The following ANKRD13B variants were observed in gnomAD, a reference collection of about 807,000 sequenced individuals.
ANKRD13B encodes ankyrin repeat domain-containing protein 13B.
A neutral mutation model predicts 74.4 loss-of-function variants in ANKRD13B; 33 were observed. The observed-to-expected ratio is 0.44, with a 90% CI of 0.34 to 0.59. The LOEUF (loss-of-function observed/expected upper bound fraction) is 0.59. ANKRD13B is among the 20% of genes least tolerant of loss of function. The probability of loss-of-function intolerance (pLI) is 0.02; values close to 1 mark genes in which losing one functional copy is unlikely to be tolerated. For synonymous variants in ANKRD13B, 341 were observed against 362.9 expected, an observed-to-expected ratio of 0.94 and a Z score of 0.68; for missense variants, 676 against 877.9, an observed-to-expected ratio of 0.77 and a Z score of 2.91.
chr17:29,593,346 G>A lies in ANKRD13B; in HGVS notation c.-276G>A, dbSNP rs1177223664. 6.8e-6 allele frequency: 1 copy of A among 147,620 alleles called. No homozygotes were observed. Among genetic ancestry groups the A allele is most frequent in the Non-Finnish European group, 1.5e-5 (1 of 66,182 alleles). 9.1% of individuals were successfully genotyped at this position (147,620 alleles called of 1,614,324 possible). ...GTGCGGGGGTGTGGGAGGCGAGCGC[G>A]AGTCCGCGCAGCGCCGCCGAGTGCC... On this transcript the variant is annotated 5_prime_UTR_variant, in exon 1 of 15. Coordinates refer to ENST00000394859, the MANE Select transcript of ANKRD13B (RefSeq NM_152345.5).
chr17:29,610,361 T>G (rs1274508528), intron 7 of ANKRD13B, among the ~76,000 whole-genome samples: 9 of 152,174 alleles, frequency 5.9e-5, no homozygotes, highest in Non-Finnish European at 1.3e-4. Flanking sequence ...CACCAGTGCA[T>G]GGACCATGCT....
At chr17:29,601,656 T>G (rs1159113584) in intron 1 of ANKRD13B, among the ~76,000 whole-genome samples, 1 of 152,220 alleles carries the variant, frequency 6.6e-6, no homozygotes, top group African/African-American at 2.4e-5. Flanking sequence ...GGCAATAAAT[T>G]CCCTTAGAAT....
rs768293314 is a variant in ANKRD13B at position 29,612,683 on chromosome 17, G to C, written c.1443G>C (p.Ala481=). Residue 481 remains alanine, a synonymous_variant, in exon 13 of 15, where the codon GCG becomes GCC. Transcript: ENST00000394859. This position sits in a 1 kb window ranked among gnomAD's most constrained non-coding sequence, Gnocchi z 6.1. ...TSCRGCEISP[A]LFEAPRGYSM... is the part of the protein sequence containing the mutation. ...GCCGCGGCTGCGAGATCTCCCCAGC[G>C]TTGTTCGAGGCCCCGCGCGGCTACA... The C allele has an allele frequency of 1.3e-6, 2 of 1,588,478 alleles. No individual in the cohort carries two copies. Among genetic ancestry groups the C allele is most frequent in the South Asian group, 2.3e-5 (2 of 88,418 alleles).
Position 29,609,004 on chromosome 17 carries a change from G to T in ANKRD13B, c.565+10G>T, listed in dbSNP as rs2034483606. The stretch of plus-strand genomic sequence containing the variant: ...GTCTTCAGGGGCCAAGGTCAGGCAG[G>T]CAGGAAGTGGGGCAGGGTGGGGACG... On this transcript the variant is annotated intron_variant, in intron 5 of 14. Transcript: ENST00000394859. This position sits in a 1 kb window ranked among gnomAD's most constrained non-coding sequence, Gnocchi z 4.0. 2 of 1,613,912 alleles carry T rather than the reference G, an allele frequency of 1.2e-6. No individual in the cohort carries two copies. The highest frequency in any genetic ancestry group is 1.7e-6 in the Non-Finnish European group (2 of 1,180,046).
In ANKRD13B at chr17:29,612,427, C is replaced by T. The variant is rs773673917; in HGVS notation, c.1284C>T (p.Asn428=). ...KIEIPIFHIL[N]ARITFGNLNG... ...AAATCCCGATCTTCCACATCCTCAA[C>T]GCCCGCATCACCTTCGGGAACCTCA... is the stretch of plus-strand genomic sequence containing the variant. Residue 428 remains asparagine, a synonymous_variant, in exon 12 of 15, where the codon AAC becomes AAT. Coordinates refer to ENST00000394859, the MANE Select transcript of ANKRD13B (RefSeq NM_152345.5). This position sits in a 1 kb window ranked among gnomAD's most constrained non-coding sequence, Gnocchi z 6.1. 2 of 1,611,564 alleles carry T rather than the reference C, an allele frequency of 1.2e-6. No homozygotes were observed. The highest frequency in any genetic ancestry group is 1.7e-6 in the Non-Finnish European group (2 of 1,178,922).
intron 7 of ANKRD13B, 126 bp from the exon 8 acceptor site, chr17:29,610,559 A>T: frequency 1.6e-6 from 1 of 643,900 alleles, no homozygotes; most frequent in Non-Finnish European, 2.5e-6. Flanking sequence ...ATATTCACTT[A>T]CCCAAAAGCC....
Position 29,607,063 on chromosome 17 carries a change from CAAA to C in ANKRD13B, c.115-672_115-670del, listed in dbSNP as rs34261270. The stretch of plus-strand genomic sequence containing the variant: ...AGACTCCGTCCCCCCAAAAAAAACA[CAAA>C]AAAAAACCCCAAAAAAAGCTTTTAT... On this transcript the variant is annotated intron_variant, in intron 1 of 14. Coordinates refer to ENST00000394859, the MANE Select transcript of ANKRD13B (RefSeq NM_152345.5). Among the ~76,000 whole-genome samples, 8 of 150,104 alleles carry C rather than the reference CAAA, an allele frequency of 5.3e-5. No individual in the cohort carries two copies. The East Asian group carries it at 5.8e-4, about 11-fold the overall frequency.
intron 1 of ANKRD13B, among the ~76,000 whole-genome samples, chr17:29,601,649 A>G (rs2034184138): frequency 6.6e-6 from 1 of 152,218 alleles, no homozygotes; most frequent in Non-Finnish European, 1.5e-5. Context: ...CACATCTGGC[A>G]ATAAATTCCC....
chr17:29,611,444 G>A lies in ANKRD13B; in HGVS notation c.905-135G>A. On this transcript the variant is annotated intron_variant, in intron 8 of 14. Transcript: ENST00000394859. This position sits in a 1 kb window ranked among gnomAD's most constrained non-coding sequence, Gnocchi z 4.3. ...CAGTCCCCTTCAGGTGAAGGTGCCT[G>A]AGTATGTGGTTGGGTGAGCAGGCCC... is the stretch of plus-strand genomic sequence containing the variant. 3 of 821,478 alleles carry A rather than the reference G, an allele frequency of 3.7e-6. No individual in the cohort carries two copies. Among genetic ancestry groups the A allele is most frequent in the Non-Finnish European group, 6.1e-6 (3 of 495,004 alleles). The allele number at this position is 821,478 out of a possible 1,614,324, so 50.9% of individuals were successfully genotyped here.
chr17:29,608,258 G>A lies in ANKRD13B; in HGVS notation c.421+18G>A, dbSNP rs771986393. On this transcript the variant is annotated intron_variant, in intron 4 of 14. Transcript: ENST00000394859. This position sits in a 1 kb window ranked among gnomAD's most constrained non-coding sequence, Gnocchi z 6.4. ...TAGCTGGGGTAAGCGGGCTGCAGCA[G>A]GTCGCTTCTGGGCTCTCCCACTTTA... The A allele has an allele frequency of 9.9e-6, 16 of 1,614,050 alleles. No homozygotes were observed. The highest frequency in any genetic ancestry group is 1.4e-5 in the Non-Finnish European group (16 of 1,180,010).
Position 29,612,873 on chromosome 17 carries a change from A to G in ANKRD13B, c.1576-14A>G. ...CTCCGCGCCGCCACGGCTAACGCCCACGCCTCCCCGCAGGTCACCATCTGG... is the reference window on the plus strand; with the variant it reads ...CTCCGCGCCGCCACGGCTAACGCCCGCGCCTCCCCGCAGGTCACCATCTGG... On this transcript the variant is annotated splice_polypyrimidine_tract_variant and intron_variant, in intron 13 of 14. Coordinates refer to ENST00000394859, the MANE Select transcript of ANKRD13B (RefSeq NM_152345.5). The surrounding 1 kb of genome is among the most constrained non-coding windows in gnomAD (Gnocchi z 6.1). 1 of 1,599,430 alleles carries G rather than the reference A, an allele frequency of 6.3e-7. No individual in the cohort carries two copies. The highest frequency in any genetic ancestry group is 8.5e-7 in the Non-Finnish European group (1 of 1,179,358).
rs559446147 is a variant in ANKRD13B, at chr17:29,609,694, C to T, written c.822+273C>T. On this transcript the variant is annotated intron_variant, in intron 7 of 14. Transcript: ENST00000394859. This position sits in a 1 kb window ranked among gnomAD's most constrained non-coding sequence, Gnocchi z 4.0. Reference sequence around the variant, plus strand: ...CTGTTCTGTTAGTATTCCCATTTTACGCATGTTTATTGAGTCCTTTCCTTG... The same window carrying T: ...CTGTTCTGTTAGTATTCCCATTTTATGCATGTTTATTGAGTCCTTTCCTTG... Among the ~76,000 whole-genome samples, 4 of 152,332 alleles carry T rather than the reference C, an allele frequency of 2.6e-5. No homozygotes were observed. Among genetic ancestry groups the T allele is most frequent in the South Asian group, 2.1e-4 (1 of 4,834 alleles).
chr17:29,606,674 C>G (rs1321582471), intron 1 of ANKRD13B, among the ~76,000 whole-genome samples: 1 of 126,432 alleles, frequency 7.9e-6, no homozygotes, highest in Non-Finnish European at 1.6e-5. Context: ...GAGGATTGCT[C>G]AAGCCTAGGA....
intron 1 of ANKRD13B, among the ~76,000 whole-genome samples, chr17:29,600,970 G>A (rs2150880608): frequency 6.7e-6 from 1 of 149,226 alleles, no homozygotes; most frequent in African/African-American, 2.5e-5. Flanking sequence ...TGTTGCCTAG[G>A]CTGGAGTGCA....
intron 1 of ANKRD13B, among the ~76,000 whole-genome samples, chr17:29,605,455 T>TAC (rs1037731494): frequency 7.2e-4 from 109 of 151,960 alleles, no homozygotes; most frequent in African/African-American, 2.4e-3. Context: ...CATATATATA[T>TAC]ACACACACAC....
At chr17:29,602,568 GTC>G (rs1432831424) in intron 1 of ANKRD13B, among the ~76,000 whole-genome samples, 1 of 152,116 alleles carries the variant, frequency 6.6e-6, no homozygotes, top group Non-Finnish European at 1.5e-5. Context: ...CAGAACTCTA[GTC>G]TCTGCCTCCG....
In ANKRD13B at chr17:29,593,254, G is replaced by GCCCGCGTCCCGTGCGCC. The variant is rs2033829318; in HGVS notation, c.-361_-345dup. Among the ~76,000 whole-genome samples, 1 of 148,820 alleles carries GCCCGCGTCCCGTGCGCC rather than the reference G, an allele frequency of 6.7e-6. No homozygotes were observed. The highest frequency in any genetic ancestry group is 1.5e-5 in the Non-Finnish European group (1 of 66,662). On this transcript the variant is annotated 5_prime_UTR_variant, in exon 1 of 15. Transcript: ENST00000394859. Reference sequence around the variant, plus strand: ...GCGTCCCTGCGGCGGCGTCCCCGGGGCCCGCGTCCCGTGCGCCCCCGCGCC... The same window carrying GCCCGCGTCCCGTGCGCC: ...GCGTCCCTGCGGCGGCGTCCCCGGGGCCCGCGTCCCGTGCGCCCCCGCGTCCCGTGCGCCCCCGCGCC...
Position 29,612,783 on chromosome 17 carries a change from A to G in ANKRD13B, c.1543A>G (p.Ser515Gly), listed in dbSNP as rs1253948393. 6.2e-7 allele frequency: 1 copy of G among 1,603,554 alleles called. No individual in the cohort carries two copies. Among genetic ancestry groups the G allele is most frequent in the South Asian group, 1.1e-5 (1 of 90,898 alleles). Residue 515 changes from serine (S) to glycine (G), a missense_variant, in exon 13 of 15, where the codon AGC becomes GGC. Ser to Gly is a moderately conservative substitution (Grantham distance 56, BLOSUM62 0). Around this residue, in one of 4 missense-constraint regions of ANKRD13B, gnomAD observed 152 missense variants for 181.4 expected, o/e 0.84. Transcript: ENST00000394859. The surrounding 1 kb of genome is among the most constrained non-coding windows in gnomAD (Gnocchi z 6.1). ...CCTGCTGCAATTCGCCATCCAGCAG[A>G]GCCTGCTTGAGGCGGGCAGTGAGTA... ...DDLLQFAIQQSLLEAGSEYDQ... is the reference protein window; with the variant it reads ...DDLLQFAIQQGLLEAGSEYDQ...
intron 7 of ANKRD13B, among the ~76,000 whole-genome samples, chr17:29,610,276 A>G (rs1247953413): frequency 6.6e-6 from 1 of 151,380 alleles, no homozygotes; most frequent in Admixed American, 6.6e-5. Context: ...AACAAATGCC[A>G]TGGGTTTTGT....
Sources: allele counts gnomAD v4.1 joint callset (sites outside exome capture counted in the v4.1 genomes callset), GRCh38; gene constraint gnomAD v4.1.1; regional missense constraint gnomAD v4.1.1; non-coding constraint Gnocchi (gnomAD v3.1); transcripts MANE v1.5; gene names NCBI Gene and HGNC (gene_info 2026-07-23, HGNC 2026-07-21).